GLT8D2: variants seen among roughly 807,000 people sequenced by gnomAD.
GLT8D2 encodes glycosyltransferase 8 domain-containing protein 2.
GLT8D2 carries 45 observed loss-of-function variants against 44.5 expected under a neutral mutation model. The observed-to-expected ratio is 1.01, with a 90% CI of 0.80 to 1.30. The LOEUF is 1.30. Among genes scored for constraint, GLT8D2 ranks in the 50% most tolerant of loss-of-function variants. The probability of loss-of-function intolerance (pLI) is 0.00; values close to 1 mark genes in which losing one functional copy is unlikely to be tolerated. For synonymous variants in GLT8D2, 156 were observed against 157.2 expected (o/e 0.99, Z 0.06); for missense variants, 400 against 430.4 (o/e 0.93, Z 0.62).
intron 1 of GLT8D2, among the ~76,000 whole-genome samples, chr12:104,025,680 A>G (rs1436213738): frequency 6.6e-6 from 1 of 152,220 alleles, no homozygotes; most frequent in Non-Finnish European, 1.5e-5. Flanking sequence ...ATTAAACTTA[A>G]TCTTTTAGCA....
intron 1 of GLT8D2, among the ~76,000 whole-genome samples, chr12:104,046,577 A>G (rs1881174032): frequency 6.6e-6 from 1 of 152,232 alleles, no homozygotes; most frequent in Non-Finnish European, 1.5e-5. Flanking sequence ...AAGCTCTGTG[A>G]GTTAACTCTG....
intron 1 of GLT8D2, chr12:104,049,536 G>A (rs1881517374): frequency 6.6e-6 from 1 of 152,120 alleles, no homozygotes; most frequent in African/African-American, 2.4e-5. Context: ...TGTGGCTCAG[G>A]ACATACCTTC....
intron 1 of GLT8D2, among the ~76,000 whole-genome samples, chr12:104,030,521 AAC>A (rs1879118007): frequency 6.6e-6 from 1 of 152,106 alleles, no homozygotes; most frequent in African/African-American, 2.4e-5. Flanking sequence ...AGTTAACAAA[AAC>A]AAAAACAAAC....
intron 3 of GLT8D2, among the ~76,000 whole-genome samples, chr12:104,016,907 A>C (rs572183969): frequency 4.0e-5 from 6 of 151,854 alleles, no homozygotes; most frequent in Non-Finnish European, 8.8e-5. Context: ...AAAGAAAGAA[A>C]GGAAGAAAGA....
upstream of GLT8D2, among the ~76,000 whole-genome samples, chr12:104,053,880 T>C (rs1178311450): frequency 7.4e-6 from 1 of 134,338 alleles, no homozygotes; most frequent in Non-Finnish European, 1.5e-5. Context: ...CAAGACTCCG[T>C]CTCAAAAAAA....
chr12:104,005,374 T>A (rs980410601), intron 4 of GLT8D2, among the ~76,000 whole-genome samples: 8 of 152,174 alleles, frequency 5.3e-5, no homozygotes, highest in South Asian at 2.1e-4. Flanking sequence ...AAGCCAAAAT[T>A]GACAAATGGG....
At chr12:103,994,563 C>G (rs1873178999) in intron 8 of GLT8D2, 62 bp from the exon 9 acceptor site, 1 of 1,468,950 alleles carries the variant, frequency 6.8e-7, no homozygotes, top group Non-Finnish European at 9.3e-7. Flanking sequence ...GGAAAATGAT[C>G]ATTTTCTTGA....
At chr12:104,034,511 C>A (rs767795382) in intron 1 of GLT8D2, among the ~76,000 whole-genome samples, 1 of 152,270 alleles carries the variant, frequency 6.6e-6, no homozygotes, top group Non-Finnish European at 1.5e-5. Context: ...CTTGGTGGGG[C>A]CCATGCCCAT....
In GLT8D2 at chr12:104,012,923, C is replaced by T. The variant is rs141351627; in HGVS notation, c.112+2090G>A. ...CGTGAGGACACAGCAAGAAGGCGGC[C>T]ATCTGCATGCCAAGGAGAGAGGCCT... On this transcript the variant is annotated intron_variant, in intron 4 of 10. Transcript: ENST00000360814. 7.0e-5 allele frequency: 43 copies of T among 617,854 alleles called. No homozygotes were observed. The African/African-American group carries it at 7.1e-4, about 10-fold the overall frequency. The allele number at this position is 617,854 out of a possible 1,614,324, so 38.3% of individuals were successfully genotyped here.
At chr12:104,044,124 C>T (rs1042837255) in intron 1 of GLT8D2, among the ~76,000 whole-genome samples, 5 of 152,130 alleles carry the variant, frequency 3.3e-5, no homozygotes, top group Non-Finnish European at 7.4e-5. Flanking sequence ...GTGATCACAC[C>T]GGCCTCCTTG....
intron 1 of GLT8D2, among the ~76,000 whole-genome samples, chr12:104,046,813 T>C (rs572289110): frequency 1.2e-4 from 19 of 152,238 alleles, no homozygotes; most frequent in Admixed American, 1.3e-4. Flanking sequence ...CCAAGATACA[T>C]AGAACAGGTG....
At chr12:103,992,305 G>A (rs1041742836) in intron 10 of GLT8D2, among the ~76,000 whole-genome samples, 1 of 152,176 alleles carries the variant, frequency 6.6e-6, no homozygotes, top group Non-Finnish European at 1.5e-5. Context: ...AACTCACAGA[G>A]TACAGAGTCA....
At chr12:104,055,634 T>C (rs1486600660) in intron 1 of GLT8D2, among the ~76,000 whole-genome samples, 1 of 152,268 alleles carries the variant, frequency 6.6e-6, no homozygotes, top group Non-Finnish European at 1.5e-5. Context: ...TCTTAGTCTC[T>C]ATTATTCCAT....
intron 1 of GLT8D2, among the ~76,000 whole-genome samples, chr12:104,060,279 G>A (rs1882527241): frequency 6.6e-6 from 1 of 151,980 alleles, no homozygotes; most frequent in African/African-American, 2.4e-5. Flanking sequence ...CTTCTTCAGG[G>A]TGCTATTTTC....
intron 4 of GLT8D2, among the ~76,000 whole-genome samples, chr12:104,009,133 TG>T (rs1297066703): frequency 6.6e-6 from 1 of 152,166 alleles, no homozygotes; most frequent in Non-Finnish European, 1.5e-5. Context: ...GACCCCAGAA[TG>T]GTAGATCCAC....
upstream of GLT8D2, among the ~76,000 whole-genome samples, chr12:104,054,399 A>G (rs1881998970): frequency 6.6e-6 from 1 of 152,062 alleles, no homozygotes; most frequent in Non-Finnish European, 1.5e-5. Context: ...CAATATATTT[A>G]TCCATTCACC....
chr12:104,041,388 T>G (rs56090409), intron 1 of GLT8D2, among the ~76,000 whole-genome samples: 39,974 of 152,152 alleles, frequency 0.26, 6,333 homozygotes, highest in Non-Finnish European at 0.34. Context: ...CACTCCAGCC[T>G]GGGCGACAGA....
intron 1 of GLT8D2, among the ~76,000 whole-genome samples, chr12:104,027,250 A>C (rs917284600): frequency 1.3e-5 from 2 of 152,192 alleles, no homozygotes; most frequent in African/African-American, 4.8e-5. Context: ...TTTTTCTGAG[A>C]TAGGGTTTCA....
At chr12:104,001,239 C>G (rs1249839731) in intron 5 of GLT8D2, among the ~76,000 whole-genome samples, 1 of 152,236 alleles carries the variant, frequency 6.6e-6, no homozygotes, top group Non-Finnish European at 1.5e-5. Flanking sequence ...TCGTTAACAT[C>G]TGGATCATAT....
Sources: allele counts gnomAD v4.1 joint callset (sites outside exome capture counted in the v4.1 genomes callset), GRCh38; gene constraint gnomAD v4.1.1; transcripts MANE v1.5; gene names NCBI Gene and HGNC (gene_info 2026-07-23, HGNC 2026-07-21).